The following PIKFYVE variants were observed in gnomAD, a reference collection of about 807,000 sequenced individuals.
PIKFYVE encodes the protein 1-phosphatidylinositol 3-phosphate 5-kinase.
A neutral mutation model predicts 257.9 loss-of-function variants in PIKFYVE; 122 were observed. The ratio of observed to expected loss-of-function variants is 0.47; its 90% CI spans 0.41 to 0.55. The LOEUF (loss-of-function observed/expected upper bound fraction) is 0.55, where lower values mean the gene tolerates loss of function less well. Ranked by LOEUF, PIKFYVE falls within the 20% of genes least tolerant of loss-of-function variation. The probability of loss-of-function intolerance (pLI) is 0.00; values close to 1 mark genes in which losing one functional copy is unlikely to be tolerated. For synonymous variants in PIKFYVE, 892 were observed against 868.9 expected (o/e 1.03, Z -0.47); for missense variants, 2,160 against 2,536.6 (o/e 0.85, Z 3.19).
intron 12 of PIKFYVE, among the ~76,000 whole-genome samples, chr2:208,309,107 A>G (rs781584030): frequency 1.3e-5 from 2 of 152,126 alleles, no homozygotes; most frequent in South Asian, 2.1e-4. Flanking sequence ...CTCCTAGGTT[A>G]TGTTATAGGG....
chr2:208,309,740 GT>G (rs1443210683), intron 12 of PIKFYVE, among the ~76,000 whole-genome samples: 3 of 152,226 alleles, frequency 2.0e-5, no homozygotes, highest in African/African-American at 7.2e-5. Flanking sequence ...TGCATGGTAA[GT>G]GTCCAGGTTG....
intron 5 of PIKFYVE, among the ~76,000 whole-genome samples, chr2:208,285,066 AT>A (rs1691372253): frequency 6.6e-6 from 1 of 151,730 alleles, no homozygotes; most frequent in Non-Finnish European, 1.5e-5. Context: ...TGGGATATAC[AT>A]TTTGTTTTGT....
intron 3 of PIKFYVE, among the ~76,000 whole-genome samples, chr2:208,275,612 T>G (rs1275747415): frequency 6.6e-6 from 1 of 152,242 alleles, no homozygotes. Context: ...GGTACAATTT[T>G]GGTAGTTACT....
At chr2:208,293,690 T>C (rs1185336651) in intron 7 of PIKFYVE, among the ~76,000 whole-genome samples, 3 of 128,494 alleles carry the variant, frequency 2.3e-5, no homozygotes, top group East Asian at 2.4e-4. Flanking sequence ...TTTTTTTTTT[T>C]CTTTAAATAG....
At chr2:208,347,783 G>C in intron 34 of PIKFYVE, 76 bp from the exon 35 acceptor site, 3 of 1,316,914 alleles carry the variant, frequency 2.3e-6, no homozygotes, top group Middle Eastern at 2.6e-4. Context: ...AACTAACAAA[G>C]AAATGAGCTG....
At chr2:208,267,770 G>C (rs1688851130) in intron 1 of PIKFYVE, among the ~76,000 whole-genome samples, 1 of 152,166 alleles carries the variant, frequency 6.6e-6, no homozygotes, top group African/African-American at 2.4e-5. Flanking sequence ...GCCTCCCAAG[G>C]TGCTGGGATT....
At chr2:208,304,066 GT>G in intron 10 of PIKFYVE, 104 bp from the exon 11 acceptor site, 1 of 1,346,196 alleles carries the variant, frequency 7.4e-7, no homozygotes, top group South Asian at 1.2e-5. Flanking sequence ...AAATTCAATT[GT>G]TAGGTTCATA....
intron 1 of PIKFYVE, among the ~76,000 whole-genome samples, chr2:208,266,695 C>T (rs1450227633): frequency 3.9e-5 from 6 of 152,250 alleles, no homozygotes; most frequent in African/African-American, 9.6e-5. Context: ...CTTTGCCTCT[C>T]TCTCGACCCT....
At position 208,312,187 on chromosome 2, in the gene PIKFYVE, A is replaced by G. The variant is rs766040043; in HGVS notation, c.1637-49A>G. 17 of 1,311,660 alleles carry G rather than the reference A, an allele frequency of 1.3e-5. No homozygotes were observed. The East Asian group carries it at 3.0e-4, about 23-fold the overall frequency. 81.3% of individuals were successfully genotyped at this position (1,311,660 alleles called of 1,614,324 possible). ...ATAATTATGCTGACATGTTATAGTC[A>G]TATGTCTCTACTTTTGTTCCTCCTC... is the stretch of plus-strand genomic sequence containing the variant. On this transcript the variant is annotated intron_variant, in intron 12 of 41. Transcript: ENST00000264380.
At chr2:208,339,917 T>A in intron 30 of PIKFYVE, 94 bp from the exon 31 acceptor site, 1 of 1,375,780 alleles carries the variant, frequency 7.3e-7, no homozygotes, top group Non-Finnish European at 1.0e-6. Flanking sequence ...TATACATATG[T>A]CCATATTCCG....
intron 3 of PIKFYVE, chr2:208,273,982 G>C (rs2125022336): frequency 6.2e-7 from 1 of 1,600,804 alleles, no homozygotes; most frequent in Non-Finnish European, 8.5e-7. Context: ...CAGATTTCTT[G>C]ACTATTTTTT....
At position 208,342,926 on chromosome 2, in the gene PIKFYVE, C is replaced by T. The variant is rs998643914; in HGVS notation, c.5027+277C>T. On this transcript the variant is annotated intron_variant, in intron 32 of 41. Coordinates refer to ENST00000264380, the MANE Select transcript of PIKFYVE (RefSeq NM_015040.4). Reference sequence around the variant, plus strand: ...TCTCCTGCCTCAGCCTCCCGAGTAGCTGGGACTACAGACACACACCACCAT... The same window carrying T: ...TCTCCTGCCTCAGCCTCCCGAGTAGTTGGGACTACAGACACACACCACCAT... Among the ~76,000 whole-genome samples, 5 of 151,548 alleles carry T rather than the reference C, an allele frequency of 3.3e-5. No homozygotes were observed. In the South Asian group the frequency reaches 8.4e-4, roughly 25 times the overall value.
chr2:208,319,949 T>C (rs983076962), intron 16 of PIKFYVE, among the ~76,000 whole-genome samples: 1 of 151,994 alleles, frequency 6.6e-6, no homozygotes, highest in Non-Finnish European at 1.5e-5. Context: ...CCGTGCACAC[T>C]CAGGGCATGA....
At chr2:208,296,702 CG>C (rs1693035030) in intron 7 of PIKFYVE, among the ~76,000 whole-genome samples, 1 of 151,928 alleles carries the variant, frequency 6.6e-6, no homozygotes, top group Non-Finnish European at 1.5e-5. Flanking sequence ...GAAAAGGAGA[CG>C]GGGAGAGGCC....
rs1209517618 is a variant in PIKFYVE at position 208,314,408 on chromosome 2, C to CT, written c.1811_1812insT (p.Met605HisfsTer8). Reference sequence around the variant, plus strand: ...AGGGAGGAGAATGGGGAGAAACAAGCCATGGAGAGGTTGCTGTAAGGCAAT... The same window carrying CT: ...AGGGAGGAGAATGGGGAGAAACAAGCTCATGGAGAGGTTGCTGTAAGGCAAT... On this transcript the variant is annotated frameshift_variant, in exon 14 of 42. Transcript: ENST00000264380. LOFTEE classifies it high-confidence loss of function. 1 of 1,613,794 alleles carries CT rather than the reference C, an allele frequency of 6.2e-7. No individual in the cohort carries two copies. Among genetic ancestry groups the CT allele is most frequent in the African/African-American group, 1.3e-5 (1 of 74,996 alleles).
rs746644611 is a variant in PIKFYVE at position 208,285,719 on chromosome 2, C to T, written c.614-7C>T. On this transcript the variant is annotated splice_region_variant and splice_polypyrimidine_tract_variant and intron_variant, in intron 5 of 41. Coordinates refer to ENST00000264380, the MANE Select transcript of PIKFYVE (RefSeq NM_015040.4). The stretch of plus-strand genomic sequence containing the variant: ...TCCTTGTTTTTGTTTTTGTTTTTTT[C>T]TCCTAGGAGACCTCCGAGCTTGCAC... The T allele has an allele frequency of 1.2e-6, 2 of 1,611,054 alleles. No individual in the cohort carries two copies. Among genetic ancestry groups the T allele is most frequent in the South Asian group, 1.1e-5 (1 of 90,982 alleles).
intron 32 of PIKFYVE, among the ~76,000 whole-genome samples, chr2:208,344,163 A>G (rs1224122973): frequency 3.9e-5 from 6 of 152,196 alleles, no homozygotes; most frequent in Non-Finnish European, 2.9e-5. Flanking sequence ...TAGTTTAAAT[A>G]GAATCTAAGA....
At chr2:208,323,046 G>T (rs1372333875) in intron 17 of PIKFYVE, among the ~76,000 whole-genome samples, 1 of 151,008 alleles carries the variant, frequency 6.6e-6, no homozygotes, top group Admixed American at 6.6e-5. Flanking sequence ...TATGGCTGCA[G>T]AGTATTCCAT....
At chr2:208,341,797 G>A (rs1698729896) in intron 31 of PIKFYVE, among the ~76,000 whole-genome samples, 1 of 152,010 alleles carries the variant, frequency 6.6e-6, no homozygotes, top group South Asian at 2.1e-4. Context: ...AACATTGGGG[G>A]TTAGGATTTT....
Sources: allele counts gnomAD v4.1 joint callset (sites outside exome capture counted in the v4.1 genomes callset), GRCh38; gene constraint gnomAD v4.1.1; transcripts MANE v1.5; gene names NCBI Gene and HGNC (gene_info 2026-07-23, HGNC 2026-07-21).